RPS6KA1: variants seen among roughly 807,000 people sequenced by gnomAD.
RPS6KA1 encodes the protein ribosomal protein S6 kinase alpha-1.
Under a neutral mutation model 91.3 loss-of-function variants are expected in RPS6KA1, and 48 were observed. The ratio of observed to expected loss-of-function variants is 0.53; its 90% confidence interval spans 0.42 to 0.67. The LOEUF is 0.67. Ranked by LOEUF, RPS6KA1 falls within the 30% of genes least tolerant of loss-of-function variation. The pLI is 0.00. For synonymous variants in RPS6KA1, 359 were observed against 384.7 expected (o/e 0.93, Z 0.78); for missense variants, 719 against 960.5 (o/e 0.75, Z 3.32).
chr1:26,561,260 C>G lies in RPS6KA1; in HGVS notation c.1431+126C>G, dbSNP rs2076152124. On this transcript the variant is annotated intron_variant, in intron 16 of 21. Transcript: ENST00000374168. This position sits in a 1 kb window ranked among gnomAD's most constrained non-coding sequence, Gnocchi z 5.7. ...GGTCATGTGGAGGGGAAGGAGGTCC[C>G]TTGGTCCCTTCAGTCTGCCCATACC... The G allele has an allele frequency of 9.9e-7, 1 of 1,006,224 alleles. No individual in the cohort carries two copies. The highest frequency in any genetic ancestry group is 1.5e-6 in the Non-Finnish European group (1 of 669,646). 62.3% of individuals were successfully genotyped at this position (1,006,224 alleles called of 1,614,324 possible). A position where few individuals can be genotyped will look rare whatever the true frequency, so the allele number is the denominator to read the frequency against.
In RPS6KA1 at chr1:26,558,284, GT is replaced by G. The variant is rs1450981985; in HGVS notation, c.1085-522del. Among the ~76,000 whole-genome samples, 2 of 152,162 alleles carry G rather than the reference GT, an allele frequency of 1.3e-5. No individual in the cohort carries two copies. The highest frequency in any genetic ancestry group is 6.5e-5 in the Admixed American group (1 of 15,276). ...GGATTATCTAGTTAAAGGGAACAGT[GT>G]GTGCAAGGGCTCAGAGACCCCTCTA... On this transcript the variant is annotated intron_variant, in intron 13 of 21. Coordinates refer to ENST00000374168, the MANE Select transcript of RPS6KA1 (RefSeq NM_002953.4). This position sits in a 1 kb window ranked among gnomAD's most constrained non-coding sequence, Gnocchi z 4.0.
In RPS6KA1 at chr1:26,571,307, C is replaced by T; in HGVS notation, c.1591-142C>T. 3 of 710,862 alleles carry T rather than the reference C, an allele frequency of 4.2e-6. No individual in the cohort carries two copies. The highest frequency in any genetic ancestry group is 5.4e-5 in the East Asian group (2 of 36,966). 44.0% of individuals were successfully genotyped at this position (710,862 alleles called of 1,614,324 possible). ...AGCAGCAATAAGACCATCATTTCAG[C>T]CCCTTCCCCTTCTCTCGGATGCCAA... On this transcript the variant is annotated intron_variant, in intron 17 of 21. Transcript: ENST00000374168. This position sits in a 1 kb window ranked among gnomAD's most constrained non-coding sequence, Gnocchi z 5.1.
chr1:26,554,384 A>C lies in RPS6KA1; in HGVS notation c.613+133A>C. The C allele has an allele frequency of 8.6e-7, 1 of 1,159,828 alleles. No homozygotes were observed. The highest frequency in any genetic ancestry group is 1.2e-6 in the Non-Finnish European group (1 of 818,096). 71.8% of individuals were successfully genotyped at this position (1,159,828 alleles called of 1,614,324 possible). On this transcript the variant is annotated intron_variant, in intron 8 of 21. Transcript: ENST00000374168. This position sits in a 1 kb window ranked among gnomAD's most constrained non-coding sequence, Gnocchi z 4.6. ...GTTACTTGGAAGTGGTCAAAAACTC[A>C]GGCCTCAGACTTGGAACACCCTCAG...
chr1:26,571,558 A>G lies in RPS6KA1; in HGVS notation c.1700A>G (p.Glu567Gly), dbSNP rs2076248862. 1 of 1,614,188 alleles carries G rather than the reference A, an allele frequency of 6.2e-7. No homozygotes were observed. Among genetic ancestry groups the G allele is most frequent in the African/African-American group, 1.3e-5 (1 of 75,046 alleles). Residue 567 changes from glutamate (E) to glycine (G), a missense_variant, in exon 18 of 22, where the codon GAG becomes GGG. Physicochemically the swap from Glu to Gly is moderately conservative, Grantham distance 98 (BLOSUM62 -2). This residue lies in a region of RPS6KA1 where 249 missense variants were observed against 323.1 expected (regional missense o/e 0.77). Coordinates refer to ENST00000374168, the MANE Select transcript of RPS6KA1 (RefSeq NM_002953.4). The surrounding 1 kb of genome is among the most constrained non-coding windows in gnomAD (Gnocchi z 5.1). ...GGTTTTGCCAAACAGCTGCGGGCTG[A>G]GAATGGGCTCCTCATGACACCTTGC... ...DFGFAKQLRA[E>G]NGLLMTPCYT...
chr1:26,561,367 G>A lies in RPS6KA1; in HGVS notation c.1432-138G>A, dbSNP rs2076152918. 1 of 1,138,374 alleles carries A rather than the reference G, an allele frequency of 8.8e-7. No homozygotes were observed. The highest frequency in any genetic ancestry group is 1.5e-5 in the African/African-American group (1 of 65,160). 70.5% of individuals were successfully genotyped at this position (1,138,374 alleles called of 1,614,324 possible). A position where few individuals can be genotyped will look rare whatever the true frequency, so the allele number is the denominator to read the frequency against. On this transcript the variant is annotated intron_variant, in intron 16 of 21. Coordinates refer to ENST00000374168, the MANE Select transcript of RPS6KA1 (RefSeq NM_002953.4). This position sits in a 1 kb window ranked among gnomAD's most constrained non-coding sequence, Gnocchi z 5.7. ...GACCAGTGTCAGCATCCTCCTTTTGGGGAAGGCAGGACCACTGAAGAGCAA... is the reference window on the plus strand; with the variant it reads ...GACCAGTGTCAGCATCCTCCTTTTGAGGAAGGCAGGACCACTGAAGAGCAA...
chr1:26,538,843 A>G (rs1218241330), intron 2 of RPS6KA1, among the ~76,000 whole-genome samples: 1 of 152,272 alleles, frequency 6.6e-6, no homozygotes, highest in East Asian at 1.9e-4. Context: ...CCCAGCCACC[A>G]GTGTCCCTAA....
At chr1:26,532,130 G>T (rs892033120) in intron 1 of RPS6KA1, among the ~76,000 whole-genome samples, 1 of 152,128 alleles carries the variant, frequency 6.6e-6, no homozygotes, top group Admixed American at 6.5e-5. Flanking sequence ...ATGGGCCGCT[G>T]GGAGGCAGGG....
chr1:26,530,658 C>T (rs2075860852), intron 1 of RPS6KA1: 3 of 988,728 alleles, frequency 3.0e-6, no homozygotes, highest in African/African-American at 1.7e-5. Flanking sequence ...CTTCTTATGC[C>T]CCTTCCGGTA....
Position 26,554,637 on chromosome 1 carries a change from G to T in RPS6KA1, c.655G>T (p.Ala219Ser). The T allele has an allele frequency of 6.2e-7, 1 of 1,613,924 alleles. No homozygotes were observed. Among genetic ancestry groups the T allele is most frequent in the Middle Eastern group, 1.7e-4 (1 of 6,058 alleles). The change falls in exon 9 of 22, where the codon GCC becomes TCC. Residue 219 changes from alanine (A) to serine (S), a missense_variant. Physicochemically the swap from Ala to Ser is moderately conservative, Grantham distance 99. Coordinates refer to ENST00000374168, the MANE Select transcript of RPS6KA1 (RefSeq NM_002953.4). The surrounding 1 kb of genome is among the most constrained non-coding windows in gnomAD (Gnocchi z 4.6). ...SKEAIDHEKK[A>S]YSFCGTVEYM... ...AGAGGCCATTGACCACGAGAAGAAG[G>T]CCTATTCTTTCTGCGGGACAGTGGA...
chr1:26,565,745 A>G (rs2076195516), intron 17 of RPS6KA1, among the ~76,000 whole-genome samples: 2 of 151,342 alleles, frequency 1.3e-5, no homozygotes, highest in Admixed American at 1.3e-4. Flanking sequence ...TATTTTTAGT[A>G]GAGGCGGGAT....
At chr1:26,557,777 TCCTCCCCTCC>T (rs1182098277) in intron 13 of RPS6KA1, among the ~76,000 whole-genome samples, 14 of 56,886 alleles carry the variant, frequency 2.5e-4, no homozygotes, top group South Asian at 1.4e-3. Flanking sequence ...CCCTCCCCTC[TCCTCCCCTCC>T]CCTCCCCTCC....
At position 26,556,553 on chromosome 1, in the gene RPS6KA1, C is replaced by T. The variant is rs190675238; in HGVS notation, c.917-101C>T. 45 of 1,275,356 alleles carry T rather than the reference C, an allele frequency of 3.5e-5. No individual in the cohort carries two copies. In the East Asian group the frequency reaches 9.3e-4, roughly 26 times the overall value. The allele number at this position is 1,275,356 out of a possible 1,614,324, so 79.0% of individuals were successfully genotyped here. A position where few individuals can be genotyped will look rare whatever the true frequency, so the allele number is the denominator to read the frequency against. ...GAGTGAGCCCATTTTCCCCTCTGCT[C>T]CAGCAGCTGGTCCCAGAGCCCTGTG... On this transcript the variant is annotated intron_variant, in intron 11 of 21. Transcript: ENST00000374168.
chr1:26,566,499 C>G (rs920359127), intron 17 of RPS6KA1, among the ~76,000 whole-genome samples: 1 of 152,040 alleles, frequency 6.6e-6, no homozygotes, highest in African/African-American at 2.4e-5. Context: ...GTTGGCCAAA[C>G]TGTTCTCGAA....
rs1472185740 is a variant in RPS6KA1, at chr1:26,540,128, C to T, written c.108+3159C>T. Among the ~76,000 whole-genome samples, 1 of 152,148 alleles carries T rather than the reference C, an allele frequency of 6.6e-6. No individual in the cohort carries two copies. Among genetic ancestry groups the T allele is most frequent in the Non-Finnish European group, 1.5e-5 (1 of 68,022 alleles). On this transcript the variant is annotated intron_variant, in intron 2 of 21. Coordinates refer to ENST00000374168, the MANE Select transcript of RPS6KA1 (RefSeq NM_002953.4). This position sits in a 1 kb window ranked among gnomAD's most constrained non-coding sequence, Gnocchi z 4.2. ...GCTGGGCTCTGTCCCTTCAGCCTGC[C>T]CAGGGGAGACCCCACAGCAGTAAGA...
chr1:26,555,042 A>T lies in RPS6KA1; in HGVS notation c.757-109A>T. The T allele has an allele frequency of 2.7e-6, 3 of 1,119,750 alleles. No individual in the cohort carries two copies. Among genetic ancestry groups the T allele is most frequent in the Non-Finnish European group, 4.0e-6 (3 of 755,948 alleles). 69.4% of individuals were successfully genotyped at this position (1,119,750 alleles called of 1,614,324 possible). The stretch of plus-strand genomic sequence containing the variant: ...TAATTCTTGCTCCAGGCTGACTTGG[A>T]TGTATCAGCAAGAATCCTGGGACTG... On this transcript the variant is annotated intron_variant, in intron 9 of 21. Transcript: ENST00000374168. The surrounding 1 kb of genome is among the most constrained non-coding windows in gnomAD (Gnocchi z 4.3).
At chr1:26,536,732 C>T (rs1168528823) in intron 1 of RPS6KA1, among the ~76,000 whole-genome samples, 193 bp from the exon 2 acceptor site, 1 of 152,220 alleles carries the variant, frequency 6.6e-6, no homozygotes, top group African/African-American at 2.4e-5. Context: ...CATGAGGCGC[C>T]ATTGCCAGAA....
chr1:26,561,429 TGCTCTGGGGC>T lies in RPS6KA1; in HGVS notation c.1432-72_1432-63del. The T allele has an allele frequency of 6.3e-7, 1 of 1,585,348 alleles. No individual in the cohort carries two copies. The highest frequency in any genetic ancestry group is 8.6e-7 in the Non-Finnish European group (1 of 1,156,096). ...GCCCAAGGCTCATGTCATTCTTCCC[TGCTCTGGGGC>T]GCTGCTGACCAGGGGGCTCAGGCCT... On this transcript the variant is annotated intron_variant, in intron 16 of 21. Transcript: ENST00000374168. This position sits in a 1 kb window ranked among gnomAD's most constrained non-coding sequence, Gnocchi z 5.7.
chr1:26,561,680 G>A lies in RPS6KA1; in HGVS notation c.1590+17G>A. 1 of 1,580,264 alleles carries A rather than the reference G, an allele frequency of 6.3e-7. No homozygotes were observed. Among genetic ancestry groups the A allele is most frequent in the Non-Finnish European group, 8.6e-7 (1 of 1,160,820 alleles). ...TCACAGGGGGTGAGTCTGGATTCGG[G>A]GAGGCAGTAGGGGGATGCCAAGGGT... is the stretch of plus-strand genomic sequence containing the variant. On this transcript the variant is annotated intron_variant, in intron 17 of 21. Transcript: ENST00000374168. The surrounding 1 kb of genome is among the most constrained non-coding windows in gnomAD (Gnocchi z 5.7).
At chr1:26,548,168 C>T (rs1040694371) in intron 4 of RPS6KA1, among the ~76,000 whole-genome samples, 3 of 152,048 alleles carry the variant, frequency 2.0e-5, no homozygotes, top group African/African-American at 7.3e-5. Flanking sequence ...TGGAAGTCAT[C>T]CCCCAGGAGG....
Sources: gnomAD v4.1 joint callset for allele counts (sites outside exome capture counted in the v4.1 genomes callset) on GRCh38, gnomAD v4.1.1 for gene constraint, gnomAD v4.1.1 regional missense constraint, Gnocchi (gnomAD v3.1) non-coding constraint, MANE v1.5 for transcripts, NCBI Gene and HGNC (gene_info 2026-07-23, HGNC 2026-07-21) for gene names.